The following VPS35L variants were observed in gnomAD, a reference collection of about 807,000 sequenced individuals.
VPS35L encodes VPS35 endosomal protein sorting factor like.
A neutral mutation model predicts 133.0 loss-of-function variants in VPS35L; 83 were observed. The ratio of observed to expected loss-of-function variants is 0.62; its 90% CI spans 0.52 to 0.75. The LOEUF (loss-of-function observed/expected upper bound fraction) is 0.75, where lower values mean the gene tolerates loss of function less well. Among genes scored for constraint, VPS35L ranks in the 30% least tolerant of loss-of-function variants. The pLI is 0.00. For synonymous variants in VPS35L, 423 were observed against 449.9 expected, an observed-to-expected ratio of 0.94 and a Z score of 0.76; for missense variants, 1,083 against 1,206.8, an observed-to-expected ratio of 0.90 and a Z score of 1.52.
At position 19,675,640 on chromosome 16, in the gene VPS35L, C is replaced by T. The variant is rs145431518; in HGVS notation, c.2361+6341C>T. On this transcript the variant is annotated intron_variant, in intron 27 of 30. Coordinates refer to ENST00000417362, the MANE Select transcript of VPS35L (RefSeq NM_020314.7). ...TCTCGGCTCACTGTAACCTCTGCCTCTCCAGTTCAAGTGATTTTCCTGCCT... is the reference window on the plus strand; with the variant it reads ...TCTCGGCTCACTGTAACCTCTGCCTTTCCAGTTCAAGTGATTTTCCTGCCT... Among the ~76,000 whole-genome samples the T allele has an allele frequency of 4.0e-4, 61 of 152,250 alleles. 1 individual carries two copies. Among genetic ancestry groups the T allele is most frequent in the African/African-American group, 1.3e-3 (52 of 41,538 alleles).
At chr16:19,604,029 G>A (rs1195027062) in intron 9 of VPS35L, among the ~76,000 whole-genome samples, 1 of 152,076 alleles carries the variant, frequency 6.6e-6, no homozygotes, top group Non-Finnish European at 1.5e-5. Context: ...ACCACGCCCG[G>A]CCGAATCCAT....
At chr16:19,627,577 T>C (rs1597374796) in intron 15 of VPS35L, 117 bp from the exon 16 acceptor site, 1 of 785,014 alleles carries the variant, frequency 1.3e-6, no homozygotes. Flanking sequence ...TTTTTGTTTT[T>C]CCCCAACCCT....
intron 29 of VPS35L, among the ~76,000 whole-genome samples, chr16:19,693,815 G>A (rs1975794925): frequency 6.6e-6 from 1 of 151,768 alleles, no homozygotes; most frequent in Non-Finnish European, 1.5e-5. Context: ...CGGGCGTGGT[G>A]GTGAGTGCCT....
chr16:19,570,881 A>ATTT (rs1567388851), intron 3 of VPS35L, among the ~76,000 whole-genome samples: 21 of 64,300 alleles, frequency 3.3e-4, no homozygotes, highest in African/African-American at 1.6e-3. Context: ...ATATATATAT[A>ATTT]TATATATATT....
intron 25 of VPS35L, 33 bp downstream of exon 25, chr16:19,650,492 G>A (rs777977446): frequency 2.6e-6 from 4 of 1,518,394 alleles, no homozygotes; most frequent in East Asian, 2.3e-5. Flanking sequence ...GTTGGACCTC[G>A]AACTCCAGTG....
At chr16:19,694,025 G>T (rs1975812943) in intron 29 of VPS35L, 1 of 150,306 alleles carries the variant, frequency 6.7e-6, no homozygotes, top group African/African-American at 2.4e-5. Flanking sequence ...CAATAGCAGA[G>T]CAGAGTAACT....
At chr16:19,593,527 A>C (rs2151530111) in intron 8 of VPS35L, among the ~76,000 whole-genome samples, 1 of 152,352 alleles carries the variant, frequency 6.6e-6, no homozygotes, top group East Asian at 1.9e-4. Context: ...CTAACCTTGA[A>C]AAAGTGGGTC....
At chr16:19,680,018 G>A (rs1216493050) in intron 27 of VPS35L, among the ~76,000 whole-genome samples, 3 of 152,186 alleles carry the variant, frequency 2.0e-5, no homozygotes, top group Admixed American at 2.0e-4. Flanking sequence ...TAAAGTCAGA[G>A]ACGCTTGGTT....
intron 18 of VPS35L, among the ~76,000 whole-genome samples, chr16:19,630,602 G>A (rs146942078): frequency 0.013 from 1,986 of 152,134 alleles, 35 homozygotes; most frequent in African/African-American, 0.044. Context: ...CCAAAGTGCT[G>A]GGATTACAGG....
chr16:19,579,224 C>A, intron 6 of VPS35L, 96 bp downstream of exon 6: 1 of 1,125,012 alleles, frequency 8.9e-7, no homozygotes, highest in Non-Finnish European at 1.3e-6. Context: ...TGATTAATTC[C>A]TGGGCTGCGC....
rs571489337 is a variant in VPS35L, at chr16:19,588,386, C to T, written c.640-3404C>T. Among the ~76,000 whole-genome samples, 13 of 151,760 alleles carry T rather than the reference C, an allele frequency of 8.6e-5. No homozygotes were observed. In the South Asian group the frequency reaches 2.5e-3, roughly 29 times the overall value. On this transcript the variant is annotated intron_variant, in intron 7 of 30. Coordinates refer to ENST00000417362, the MANE Select transcript of VPS35L (RefSeq NM_020314.7). ...ATTTTTAGTAGAGATGGGGTTTCAC[C>T]GTGTTGGCCAGGCTGGTCTCAATTC...
intron 27 of VPS35L, among the ~76,000 whole-genome samples, chr16:19,670,691 T>C (rs1974846156): frequency 6.6e-6 from 1 of 151,904 alleles, no homozygotes; most frequent in South Asian, 2.1e-4. Context: ...CAGGCTTGAG[T>C]TGGAAAGAAT....
rs1401002483 is a variant in VPS35L at position 19,639,249 on chromosome 16, T to C, written c.1699-766T>C. ...CCCACTTTACAGATGAGAAAACTGA[T>C]GCAGGAAGAGGTAGAGTAACTTGCT... is the stretch of plus-strand genomic sequence containing the variant. On this transcript the variant is annotated intron_variant, in intron 20 of 30. Coordinates refer to ENST00000417362, the MANE Select transcript of VPS35L (RefSeq NM_020314.7). The surrounding 1 kb of genome is among the most constrained non-coding windows in gnomAD (Gnocchi z 4.1). Among the ~76,000 whole-genome samples the C allele has an allele frequency of 6.6e-6, 1 of 152,188 alleles. No homozygotes were observed.
intron 27 of VPS35L, among the ~76,000 whole-genome samples, chr16:19,679,515 A>T (rs1210195211): frequency 6.2e-4 from 33 of 53,362 alleles, no homozygotes; most frequent in Non-Finnish European, 8.9e-4. Context: ...TTATTTATTT[A>T]TTTTTTTGGA....
In VPS35L at chr16:19,675,618, C is replaced by T. The variant is rs987078811; in HGVS notation, c.2361+6319C>T. On this transcript the variant is annotated intron_variant, in intron 27 of 30. Transcript: ENST00000417362. ...AGGCTGGAGTGCAGTATTGCAGTCT[C>T]GGCTCACTGTAACCTCTGCCTCTCC... Among the ~76,000 whole-genome samples, 3 of 152,094 alleles carry T rather than the reference C, an allele frequency of 2.0e-5. No individual in the cohort carries two copies. In the South Asian group the frequency reaches 6.2e-4, roughly 32 times the overall value.
At chr16:19,586,325 ATG>A (rs1223178814) in intron 7 of VPS35L, among the ~76,000 whole-genome samples, 1 of 151,762 alleles carries the variant, frequency 6.6e-6, no homozygotes, top group South Asian at 2.1e-4. Context: ...GTATGTATGT[ATG>A]TGTATATTTA....
chr16:19,558,204 G>T (rs1199842842), intron 1 of VPS35L, among the ~76,000 whole-genome samples: 1 of 152,214 alleles, frequency 6.6e-6, no homozygotes, highest in Non-Finnish European at 1.5e-5. Flanking sequence ...ATGAGTTTCT[G>T]TCATTAAATT....
intron 25 of VPS35L, 141 bp from the exon 26 acceptor site, chr16:19,651,835 A>G: frequency 1.5e-6 from 1 of 680,348 alleles, no homozygotes; most frequent in South Asian, 1.7e-5. Flanking sequence ...GCAGAGTTGT[A>G]CAAGAGGGGA....
At chr16:19,589,957 G>C (rs912718091) in intron 7 of VPS35L, among the ~76,000 whole-genome samples, 2 of 152,132 alleles carry the variant, frequency 1.3e-5, no homozygotes, top group African/African-American at 2.4e-5. Flanking sequence ...CAGTCTCTGA[G>C]ATTTGGAGTT....
Sources: gnomAD v4.1 joint callset for allele counts (sites outside exome capture counted in the v4.1 genomes callset) on GRCh38, gnomAD v4.1.1 for gene constraint, Gnocchi (gnomAD v3.1) non-coding constraint, MANE v1.5 for transcripts, NCBI Gene and HGNC (gene_info 2026-07-23, HGNC 2026-07-21) for gene names.